SBF2: variants seen among roughly 807,000 people sequenced by gnomAD.
SBF2 encodes myotubularin-related protein 13.
Under a neutral mutation model 225.2 loss-of-function variants are expected in SBF2, and 112 were observed. That is an observed-to-expected ratio of 0.50 (90% CI 0.43 to 0.58). The LOEUF (loss-of-function observed/expected upper bound fraction) is 0.58. SBF2 is among the 20% of genes least tolerant of loss of function. SBF2 has a pLI of 0.00. For synonymous variants in SBF2, 763 were observed against 773.3 expected (o/e 0.99, Z 0.22); for missense variants, 1,996 against 2,206.2 (o/e 0.90, Z 1.91).
At chr11:9,847,648 T>C (rs533629748) in intron 22 of SBF2, among the ~76,000 whole-genome samples, 1 of 152,304 alleles carries the variant, frequency 6.6e-6, no homozygotes, top group South Asian at 2.1e-4. Context: ...TATATATATG[T>C]GCCTTTGGAA....
intron 2 of SBF2, among the ~76,000 whole-genome samples, chr11:10,161,986 A>T (rs1043052184): frequency 1.3e-5 from 2 of 152,140 alleles, no homozygotes; most frequent in Non-Finnish European, 2.9e-5. Context: ...CCCTGTCTAA[A>T]AAATAAATAA....
intron 35 of SBF2, among the ~76,000 whole-genome samples, chr11:9,788,557 C>G (rs1852519906): frequency 6.7e-6 from 1 of 150,094 alleles, no homozygotes; most frequent in Non-Finnish European, 1.5e-5. Context: ...GCTCTATTTG[C>G]TTGATTGCTT....
intron 2 of SBF2, among the ~76,000 whole-genome samples, chr11:10,096,881 G>A (rs1163456124): frequency 6.6e-6 from 1 of 151,818 alleles, no homozygotes; most frequent in Non-Finnish European, 1.5e-5. Context: ...CACCACTACA[G>A]GCAGCAACAA....
intron 7 of SBF2, 30 bp from the exon 8 acceptor site, chr11:10,001,052 T>G (rs749374630): frequency 2.6e-6 from 3 of 1,160,318 alleles, no homozygotes; most frequent in African/African-American, 3.1e-5. Flanking sequence ...GCGTCAAATA[T>G]ATTTTTCTTT....
chr11:10,245,753 A>C (rs1416379298), intron 1 of SBF2, among the ~76,000 whole-genome samples: 1 of 152,240 alleles, frequency 6.6e-6, no homozygotes, highest in Non-Finnish European at 1.5e-5. Context: ...CTAAATGTCC[A>C]TTGACAGATA....
At chr11:10,178,472 A>C (rs948339113) in intron 2 of SBF2, among the ~76,000 whole-genome samples, 2 of 147,494 alleles carry the variant, frequency 1.4e-5, no homozygotes, top group Non-Finnish European at 3.0e-5. Context: ...TCCAGAATCT[A>C]CAATGAACTC....
At chr11:9,846,354 A>T (rs796089246) in intron 23 of SBF2, among the ~76,000 whole-genome samples, 9 of 152,338 alleles carry the variant, frequency 5.9e-5, no homozygotes, top group African/African-American at 1.7e-4. Context: ...CTGAGAAGTG[A>T]TGAAGAATAA....
At chr11:10,231,239 C>G (rs1269570915) in intron 1 of SBF2, among the ~76,000 whole-genome samples, 2 of 152,114 alleles carry the variant, frequency 1.3e-5, no homozygotes, top group Admixed American at 1.3e-4. Flanking sequence ...TTTTTAACTT[C>G]TTTGCCATTG....
chr11:10,207,416 G>A (rs1957786810), intron 1 of SBF2, among the ~76,000 whole-genome samples: 1 of 152,074 alleles, frequency 6.6e-6, no homozygotes, highest in Non-Finnish European at 1.5e-5. Flanking sequence ...ACAAATCCAA[G>A]TCATCCTCAA....
intron 14 of SBF2, among the ~76,000 whole-genome samples, chr11:9,966,476 T>C (rs1461570610): frequency 6.6e-6 from 1 of 152,194 alleles, no homozygotes; most frequent in Non-Finnish European, 1.5e-5. Flanking sequence ...ATTTTATACA[T>C]GCATCTAATT....
chr11:9,793,905 C>T (rs1450833193), intron 33 of SBF2, among the ~76,000 whole-genome samples: 1 of 152,196 alleles, frequency 6.6e-6, no homozygotes, highest in Non-Finnish European at 1.5e-5. Flanking sequence ...TGGTCTTTGG[C>T]CACATCTGCA....
intron 1 of SBF2, among the ~76,000 whole-genome samples, chr11:10,262,941 CCATAT>C (rs1961584761): frequency 6.6e-6 from 1 of 151,326 alleles, no homozygotes; most frequent in African/African-American, 2.4e-5. Flanking sequence ...AATTTTACTA[CCATAT>C]AAGACGAAAA....
At chr11:9,890,234 A>T (rs145672133) in intron 17 of SBF2, among the ~76,000 whole-genome samples, 1 of 151,834 alleles carries the variant, frequency 6.6e-6, no homozygotes, top group Non-Finnish European at 1.5e-5. Flanking sequence ...TTACTTACTT[A>T]TTTTTGTTTT....
intron 13 of SBF2, among the ~76,000 whole-genome samples, chr11:9,969,744 C>G (rs1590639930): frequency 6.6e-6 from 1 of 152,166 alleles, no homozygotes; most frequent in African/African-American, 2.4e-5. Flanking sequence ...CTCTATATCA[C>G]TTATCACTCT....
At chr11:9,822,319 G>A (rs1363933835) in intron 28 of SBF2, among the ~76,000 whole-genome samples, 2 of 146,444 alleles carry the variant, frequency 1.4e-5, no homozygotes, top group African/African-American at 5.1e-5. Flanking sequence ...GGAGTGCAGT[G>A]GCGCGATCCT....
chr11:9,980,005 A>G (rs1344919353), intron 13 of SBF2, among the ~76,000 whole-genome samples: 1 of 151,252 alleles, frequency 6.6e-6, no homozygotes, highest in African/African-American at 2.4e-5. Flanking sequence ...TTTTCAAGAC[A>G]GAGTCTTGCT....
chr11:10,095,773 A>C (rs1951993351), intron 2 of SBF2, among the ~76,000 whole-genome samples: 1 of 152,148 alleles, frequency 6.6e-6, no homozygotes, highest in South Asian at 2.1e-4. Flanking sequence ...ACTGCTTTTA[A>C]TCACACGTAC....
intron 1 of SBF2, among the ~76,000 whole-genome samples, chr11:10,280,556 C>T (rs1264778526): frequency 6.6e-6 from 1 of 152,076 alleles, no homozygotes; most frequent in African/African-American, 2.4e-5. Context: ...GTCTTTTTAC[C>T]CTGAAGAATA....
rs1269156551 is a variant in SBF2, at chr11:9,856,504, C to A, written c.2317G>T (p.Ala773Ser). Residue 773 changes from alanine (A) to serine (S), a missense_variant, in exon 19 of 40, where the codon GCG (alanine) becomes TCG (serine). Ala to Ser is a moderately conservative substitution (Grantham distance 99). Coordinates refer to ENST00000256190, the MANE Select transcript of SBF2 (RefSeq NM_030962.4). ...CTTCCGCTCTCCCAGTCACCTGGCG[C>A]TGATGTTCTTAGGAGCTTGTTTTTA... ...TSKNKLLRTS[A>S]PGDWESGSNS... is the part of the protein sequence containing the mutation. The A allele has an allele frequency of 6.2e-7, 1 of 1,614,188 alleles. No individual in the cohort carries two copies.
Sources: gnomAD v4.1 joint callset for allele counts (sites outside exome capture counted in the v4.1 genomes callset) on GRCh38, gnomAD v4.1.1 for gene constraint, MANE v1.5 for transcripts, NCBI Gene and HGNC (gene_info 2026-07-23, HGNC 2026-07-21) for gene names.